The following CNN1 variants were observed in gnomAD, a reference collection of about 807,000 sequenced individuals.
CNN1 encodes calponin-1.
CNN1 carries 21 observed loss-of-function variants against 35.3 expected under a neutral mutation model. That is an observed-to-expected ratio of 0.60 (90% CI 0.42 to 0.86). The LOEUF is 0.86. Ranked by LOEUF, CNN1 falls within the 40% of genes least tolerant of loss-of-function variation. CNN1 has a pLI of 0.00. For synonymous variants in CNN1, 164 were observed against 161.8 expected (o/e 1.01, Z -0.10); for missense variants, 314 against 400.8 (o/e 0.78, Z 1.85).
chr19:11,547,094 G>A, intron 4 of CNN1, 125 bp downstream of exon 4: 3 of 1,397,270 alleles, frequency 2.1e-6, no homozygotes, highest in South Asian at 2.5e-5. Context: ...GGGAGCAGGT[G>A]CTGTCAACAG....
chr19:11,541,156 C>T lies in CNN1; in HGVS notation c.144C>T (p.Asn48=), dbSNP rs1339217243. ...GGGTGACAGGCCGTCGCATCGGCAA[C>T]AACTTCATGGACGGCCTCAAAGATG... The part of the protein sequence containing the change: ...IEGVTGRRIG[N]NFMDGLKDGI... Residue 48 remains asparagine, a synonymous_variant, in exon 2 of 7, where the codon AAC becomes AAT. Transcript: ENST00000252456. 1.2e-6 allele frequency: 2 copies of T among 1,606,326 alleles called. No individual in the cohort carries two copies.
chr19:11,542,323 G>T (rs1290984233), intron 2 of CNN1: 2 of 151,914 alleles, frequency 1.3e-5, no homozygotes, highest in Admixed American at 1.3e-4. Flanking sequence ...CTCCTGAGCA[G>T]CTGGGATTAC....
rs1017861850 is a variant in CNN1, at chr19:11,543,136, A to G, written c.185+1939A>G. On this transcript the variant is annotated intron_variant, in intron 2 of 6. Transcript: ENST00000252456. ...CAGGCAGAGGACTGCTCAGACGTCA[A>G]ACAGTGCAGTCCCAGCCTGGGCAAC... Among the ~76,000 whole-genome samples, 3 of 152,296 alleles carry G rather than the reference A, an allele frequency of 2.0e-5. No homozygotes were observed. The South Asian group carries it at 6.2e-4, about 32-fold the overall frequency.
chr19:11,544,382 G>A (rs1168759554), intron 2 of CNN1, among the ~76,000 whole-genome samples: 1 of 152,158 alleles, frequency 6.6e-6, no homozygotes, highest in Non-Finnish European at 1.5e-5. Flanking sequence ...GAAACAAGAA[G>A]GAGGCTGGCG....
At chr19:11,546,783 C>T (rs773738334) in intron 3 of CNN1, 42 bp downstream of exon 3, 2 of 1,613,602 alleles carry the variant, frequency 1.2e-6, no homozygotes, top group African/African-American at 2.7e-5. Flanking sequence ...CCCGCAAGCC[C>T]CTCAGACCTC....
intron 1 of CNN1, chr19:11,539,310 ATTT>A (rs1972407335): frequency 3.6e-6 from 4 of 1,123,066 alleles, no homozygotes; most frequent in Non-Finnish European, 3.3e-6. Flanking sequence ...AGACTTGTTG[ATTT>A]TTCCATATCC....
chr19:11,547,404 A>AC (rs1972613592), intron 4 of CNN1, among the ~76,000 whole-genome samples: 1 of 151,074 alleles, frequency 6.6e-6, no homozygotes, highest in South Asian at 2.1e-4. Context: ...CAAAAAAAAA[A>AC]AAACAAAAAA....
chr19:11,550,021 T>C lies in CNN1; in HGVS notation c.*226T>C. ...CTACAGGGTCCAACATAGAGCCGGG[T>C]GTCCCCAACAGCGCCCAAAGGACGC... On this transcript the variant is annotated 3_prime_UTR_variant, in exon 7 of 7. Coordinates refer to ENST00000252456, the MANE Select transcript of CNN1 (RefSeq NM_001299.6). 1 of 566,552 alleles carries C rather than the reference T, an allele frequency of 1.8e-6. No homozygotes were observed. Among genetic ancestry groups the C allele is most frequent in the Non-Finnish European group, 2.9e-6 (1 of 341,230 alleles). The allele number at this position is 566,552 out of a possible 1,614,324, so 35.1% of individuals were successfully genotyped here. A position where few individuals can be genotyped will look rare whatever the true frequency, so the allele number is the denominator to read the frequency against.
In CNN1 at chr19:11,549,241, C is replaced by T. The variant is rs906804447; in HGVS notation, c.502-82C>T. ...ATTGAAAAAAATGATAAAGCGGCGC[C>T]TCATCCTCTCCCATCAGCTATGCCT... On this transcript the variant is annotated intron_variant, in intron 5 of 6. Transcript: ENST00000252456. This position sits in a 1 kb window ranked among gnomAD's most constrained non-coding sequence, Gnocchi z 5.2. The T allele has an allele frequency of 7.0e-7, 1 of 1,437,330 alleles. No homozygotes were observed. The highest frequency in any genetic ancestry group is 1.4e-5 in the South Asian group (1 of 71,896). 89.0% of individuals were successfully genotyped at this position (1,437,330 alleles called of 1,614,324 possible). A position where few individuals can be genotyped will look rare whatever the true frequency, so the allele number is the denominator to read the frequency against.
At position 11,549,367 on chromosome 19, in the gene CNN1, T is replaced by C. The variant is rs1413174009; in HGVS notation, c.546T>C (p.Tyr182=). The C allele has an allele frequency of 6.2e-7, 1 of 1,613,646 alleles. No individual in the cohort carries two copies. The highest frequency in any genetic ancestry group is 1.7e-5 in the Admixed American group (1 of 59,910). Residue 182 remains tyrosine, a synonymous_variant, in exon 6 of 7, where the codon TAT becomes TAC. Coordinates refer to ENST00000252456, the MANE Select transcript of CNN1 (RefSeq NM_001299.6). This position sits in a 1 kb window ranked among gnomAD's most constrained non-coding sequence, Gnocchi z 5.2. ...KFASQQGMTA[Y]GTRRHLYDPK... ...CCAGCCAGCAGGGCATGACGGCCTATGGCACCCGGCGCCACCTCTACGACC... is the reference window on the plus strand; with the variant it reads ...CCAGCCAGCAGGGCATGACGGCCTACGGCACCCGGCGCCACCTCTACGACC...
In CNN1 at chr19:11,549,439, G is replaced by A. The variant is rs1031969880; in HGVS notation, c.618G>A (p.Leu206=). Residue 206 remains leucine, a synonymous_variant, in exon 6 of 7, where the codon CTG becomes CTA. Transcript: ENST00000252456. This position sits in a 1 kb window ranked among gnomAD's most constrained non-coding sequence, Gnocchi z 5.2. ...DQPLDQATIS[L]QMGTNKGASQ... ...CTCTGGACCAGGCGACCATCAGCCT[G>A]CAGATGGGCACCAACAAAGGAGCCA... 2.5e-6 allele frequency: 4 copies of A among 1,613,764 alleles called. No homozygotes were observed. The highest frequency in any genetic ancestry group is 1.1e-5 in the South Asian group (1 of 91,078).
intron 4 of CNN1, 76 bp from the exon 5 acceptor site, chr19:11,547,721 C>A (rs1452263786): frequency 8.9e-6 from 11 of 1,234,508 alleles, no homozygotes; most frequent in Admixed American, 2.0e-5. Flanking sequence ...TCAACAACAA[C>A]AAAAAAACAG....
rs765580270 is a variant in CNN1, at chr19:11,549,704, A to G, written c.803A>G (p.Tyr268Cys). The G allele has an allele frequency of 8.9e-5, 143 of 1,614,114 alleles. No individual in the cohort carries two copies. The highest frequency in any genetic ancestry group is 1.1e-4 in the Non-Finnish European group (128 of 1,180,046). Residue 268 changes from tyrosine (Y) to cysteine (C), a missense_variant, in exon 7 of 7, where the codon TAC (tyrosine) becomes TGC (cysteine). Tyr to Cys is a radical substitution (Grantham distance 194). Coordinates refer to ENST00000252456, the MANE Select transcript of CNN1 (RefSeq NM_001299.6). The surrounding 1 kb of genome is among the most constrained non-coding windows in gnomAD (Gnocchi z 5.2). ...GTGTATGGGCTGCCACGCCAGGTCT[A>G]CGACCCCAAGTACTGTCTGACTCCC... is the stretch of plus-strand genomic sequence containing the variant. ...MTVYGLPRQV[Y>C]DPKYCLTPEY...
rs1051085234 is a variant in CNN1, at chr19:11,550,076, C to A, written c.*281C>A. On this transcript the variant is annotated 3_prime_UTR_variant, in exon 7 of 7. Transcript: ENST00000252456. ...AGCAACGCTATTCCAGCTGTCCCCC[C>A]ACTCCCTCACAAGTGGGTACCCCCA... is the stretch of plus-strand genomic sequence containing the variant. The A allele has an allele frequency of 5.8e-6, 2 of 345,794 alleles. No homozygotes were observed. The highest frequency in any genetic ancestry group is 9.4e-5 in the East Asian group (2 of 21,216). 21.4% of individuals were successfully genotyped at this position (345,794 alleles called of 1,614,324 possible).
At position 11,547,925 on chromosome 19, in the gene CNN1, C is replaced by G; in HGVS notation, c.501+18C>G. On this transcript the variant is annotated intron_variant, in intron 5 of 6. Transcript: ENST00000252456. ...GGCTGCAGGTACCGCCCTGTCCTCA[C>G]TGCGCAGAGGTCATAGAGGCCAGGA... 6.2e-7 allele frequency: 1 copy of G among 1,605,060 alleles called. No individual in the cohort carries two copies. The highest frequency in any genetic ancestry group is 8.5e-7 in the Non-Finnish European group (1 of 1,173,848).
At chr19:11,539,579 T>C (rs1972411995) in intron 1 of CNN1, 2 of 980,802 alleles carry the variant, frequency 2.0e-6, no homozygotes, top group Non-Finnish European at 2.7e-6. Flanking sequence ...GGTACAGCGC[T>C]CGGACCCTGG....
intron 2 of CNN1, among the ~76,000 whole-genome samples, chr19:11,543,679 A>G (rs1972515308): frequency 6.8e-6 from 1 of 147,288 alleles, no homozygotes. Context: ...GCTACTCGGG[A>G]GGCTGAGGCA....
chr19:11,546,123 A>G (rs974573958), intron 2 of CNN1, among the ~76,000 whole-genome samples: 2 of 152,170 alleles, frequency 1.3e-5, no homozygotes, highest in African/African-American at 4.8e-5. Flanking sequence ...AGACTCGGAC[A>G]CACCTTGGAT....
At chr19:11,541,301 C>A in intron 2 of CNN1, 104 bp downstream of exon 2, 1 of 1,405,594 alleles carries the variant, frequency 7.1e-7, no homozygotes, top group African/African-American at 1.5e-5. Flanking sequence ...TGAACACTTT[C>A]TATTGGATAC....
Sources: allele counts gnomAD v4.1 joint callset (sites outside exome capture counted in the v4.1 genomes callset), GRCh38; gene constraint gnomAD v4.1.1; non-coding constraint Gnocchi (gnomAD v3.1); transcripts MANE v1.5; gene names NCBI Gene and HGNC (gene_info 2026-07-23, HGNC 2026-07-21).